Variants in LNP1 observed in about 807,000 individuals in gnomAD.
The protein encoded by LNP1 is leukemia NUP98 fusion partner 1.
In LNP1, 12 loss-of-function variants were observed where a neutral mutation model predicts 14.5. That is an observed-to-expected ratio of 0.83 (90% CI 0.53 to 1.34). LNP1 has a LOEUF of 1.34. Among genes scored for constraint, LNP1 ranks in the 40% most tolerant of loss-of-function variants. The pLI, the probability that LNP1 is intolerant of heterozygous loss-of-function variation, is 0.00. For synonymous variants in LNP1, 75 were observed against 71.4 expected, an observed-to-expected ratio of 1.05 and a Z score of -0.26; for missense variants, 198 against 210.9, an observed-to-expected ratio of 0.94 and a Z score of 0.38.
chr3:100,451,788 T>G lies in LNP1; in HGVS notation c.226T>G (p.Phe76Val). The G allele has an allele frequency of 1.9e-6, 3 of 1,614,084 alleles. No individual in the cohort carries two copies. The highest frequency in any genetic ancestry group is 2.5e-6 in the Non-Finnish European group (3 of 1,179,890). The change falls in exon 3 of 4, where the codon TTT becomes GTT. Residue 76 changes from phenylalanine (F) to valine (V), a missense_variant. Physicochemically the swap from Phe to Val is conservative, Grantham distance 50 (BLOSUM62 -1). Transcript: ENST00000383693. ...PRRHSHEDQEFRCRSHVRDYR... is the reference protein window; with the variant it reads ...PRRHSHEDQEVRCRSHVRDYR... Reference sequence around the variant, plus strand: ...AAGGCATTCTCATGAGGACCAAGAATTTCGATGCCGTAGCCACGTACGGGA... The same window carrying G: ...AAGGCATTCTCATGAGGACCAAGAAGTTCGATGCCGTAGCCACGTACGGGA...
At chr3:100,449,804 C>T (rs1286379430) in intron 2 of LNP1, among the ~76,000 whole-genome samples, 2 of 152,030 alleles carry the variant, frequency 1.3e-5, no homozygotes, top group Non-Finnish European at 2.9e-5. Flanking sequence ...AATCTTATTA[C>T]CATATTTTAG....
intron 1 of LNP1, among the ~76,000 whole-genome samples, chr3:100,412,557 T>C (rs2148899470): frequency 6.6e-6 from 1 of 152,360 alleles, no homozygotes; most frequent in East Asian, 1.9e-4. Context: ...CTTTTCTGCC[T>C]TGTTTTATAG....
rs77979954 is a variant in LNP1, at chr3:100,417,020, T to G, written c.-33-12677T>G. Among the ~76,000 whole-genome samples, 859 of 152,270 alleles carry G rather than the reference T, an allele frequency of 5.6e-3. 6 individuals are homozygous for G. Among genetic ancestry groups the G allele is most frequent in the African/African-American group, 0.02 (833 of 41,556 alleles). On this transcript the variant is annotated intron_variant, in intron 1 of 3. Transcript: ENST00000383693. ...CTAGCTCATACCTTCTTTCTTGCCT[T>G]GTTTATCTTTTTGTGTCTGTGCATA...
chr3:100,403,182 A>C (rs1431752722), intron 1 of LNP1, among the ~76,000 whole-genome samples: 1 of 152,232 alleles, frequency 6.6e-6, no homozygotes, highest in Non-Finnish European at 1.5e-5. Flanking sequence ...CTCTCAGGCT[A>C]TAGTAAAGAT....
At chr3:100,448,081 A>G (rs1245743415) in intron 2 of LNP1, among the ~76,000 whole-genome samples, 1 of 132,328 alleles carries the variant, frequency 7.6e-6, no homozygotes, top group Non-Finnish European at 1.6e-5. Flanking sequence ...TAATTATTTT[A>G]TTTTAATTGT....
chr3:100,403,166 A>G (rs1706929358), intron 1 of LNP1, among the ~76,000 whole-genome samples: 1 of 152,228 alleles, frequency 6.6e-6, no homozygotes, highest in Non-Finnish European at 1.5e-5. Flanking sequence ...TGGTGAAAAC[A>G]TCTACCTCTC....
intron 1 of LNP1, among the ~76,000 whole-genome samples, chr3:100,421,202 G>A (rs758042306): frequency 2.6e-5 from 4 of 152,154 alleles, no homozygotes; most frequent in Non-Finnish European, 5.9e-5. Flanking sequence ...TTGTTGAAAA[G>A]CCTATCCTTC....
intron 1 of LNP1, among the ~76,000 whole-genome samples, chr3:100,409,587 C>T (rs1211027705): frequency 1.1e-4 from 12 of 112,480 alleles, no homozygotes; most frequent in African/African-American, 5.0e-4. Context: ...CACACACACA[C>T]ACACATATAT....
In LNP1 at chr3:100,415,488, G is replaced by A. The variant is rs76305878; in HGVS notation, c.-34+13049G>A. ...ACAGTTTTTAAATCCAGCAGTACCA[G>A]TGAGGCAAGGATGTCAAAAAATGGA... On this transcript the variant is annotated intron_variant, in intron 1 of 3. Transcript: ENST00000383693. Among the ~76,000 whole-genome samples, 299 of 152,314 alleles carry A rather than the reference G, an allele frequency of 2.0e-3. 1 individual carries two copies. The highest frequency in any genetic ancestry group is 6.9e-3 in the African/African-American group (287 of 41,568).
chr3:100,402,554 TC>T, intron 1 of LNP1, 115 bp downstream of exon 1: 1 of 152,172 alleles, frequency 6.6e-6, no homozygotes, highest in East Asian at 1.9e-4. Flanking sequence ...AATAGGCTTT[TC>T]TCCCCTCCTG....
At chr3:100,415,997 A>G (rs1305031887) in intron 1 of LNP1, among the ~76,000 whole-genome samples, 1 of 152,116 alleles carries the variant, frequency 6.6e-6, no homozygotes, top group Non-Finnish European at 1.5e-5. Context: ...GCAAAAATTG[A>G]TATGTTTTCT....
Position 100,456,101 on chromosome 3 carries a change from GA to G in LNP1, c.*176del, listed in dbSNP as rs1200074030. ...GCAGGGTATGTAGCTGCTCCAAGAT[GA>G]CTTGCATCATACCCCAATTACTGCT... On this transcript the variant is annotated 3_prime_UTR_variant, in exon 4 of 4. Transcript: ENST00000383693. 1 of 575,858 alleles carries G rather than the reference GA, an allele frequency of 1.7e-6. No homozygotes were observed. Among genetic ancestry groups the G allele is most frequent in the Admixed American group, 3.5e-5 (1 of 28,572 alleles). 35.7% of individuals were successfully genotyped at this position (575,858 alleles called of 1,614,324 possible).
intron 1 of LNP1, among the ~76,000 whole-genome samples, chr3:100,402,784 A>G (rs1448753679): frequency 6.6e-6 from 1 of 152,080 alleles, no homozygotes; most frequent in African/African-American, 2.4e-5. Context: ...GGAGTAAGCA[A>G]TACACTGTTA....
At chr3:100,443,923 C>G (rs755725466) in intron 2 of LNP1, among the ~76,000 whole-genome samples, 13 of 152,176 alleles carry the variant, frequency 8.5e-5, no homozygotes, top group Non-Finnish European at 1.5e-4. Context: ...ATACTTTACT[C>G]AGTTGTTAAA....
At chr3:100,419,257 C>T (rs1222783006) in intron 1 of LNP1, among the ~76,000 whole-genome samples, 1 of 152,200 alleles carries the variant, frequency 6.6e-6, no homozygotes, top group Admixed American at 6.5e-5. Context: ...GGTCCTGTAG[C>T]TACCCATTTA....
intron 1 of LNP1, among the ~76,000 whole-genome samples, chr3:100,424,501 T>G (rs972044912): frequency 2.0e-5 from 3 of 152,200 alleles, no homozygotes; most frequent in Non-Finnish European, 4.4e-5. Context: ...GCAAGGCAAG[T>G]GTTTATTATG....
At chr3:100,430,441 C>A (rs1317727067) in intron 2 of LNP1, among the ~76,000 whole-genome samples, 1 of 152,164 alleles carries the variant, frequency 6.6e-6, no homozygotes, top group Non-Finnish European at 1.5e-5. Context: ...GGCAGAGCAC[C>A]TGATATCTGA....
At chr3:100,420,893 C>G (rs1209591197) in intron 1 of LNP1, among the ~76,000 whole-genome samples, 1 of 152,014 alleles carries the variant, frequency 6.6e-6, no homozygotes, top group African/African-American at 2.4e-5. Flanking sequence ...AAGATTTTCT[C>G]CCATGCTTTT....
At chr3:100,450,187 G>A (rs1392933417) in intron 2 of LNP1, among the ~76,000 whole-genome samples, 1 of 149,582 alleles carries the variant, frequency 6.7e-6, no homozygotes, top group African/African-American at 2.5e-5. Flanking sequence ...GTCAGATAGA[G>A]TTGATCAAAC....
Sources: allele counts gnomAD v4.1 joint callset (sites outside exome capture counted in the v4.1 genomes callset), GRCh38; gene constraint gnomAD v4.1.1; transcripts MANE v1.5; gene names NCBI Gene and HGNC (gene_info 2026-07-23, HGNC 2026-07-21).